The following SLC35F6 variants were observed in gnomAD, a reference collection of about 807,000 sequenced individuals.
SLC35F6 encodes ANT2-binding protein.
Under a neutral mutation model 29.4 loss-of-function variants are expected in SLC35F6, and 26 were observed. That is an observed-to-expected ratio of 0.89 (90% CI 0.65 to 1.23). SLC35F6 has a LOEUF of 1.23. Among genes scored for constraint, SLC35F6 ranks in the 50% most tolerant of loss-of-function variants. The pLI, the probability that SLC35F6 is intolerant of heterozygous loss-of-function variation, is 0.00. For synonymous variants in SLC35F6, 174 were observed against 206.6 expected, an observed-to-expected ratio of 0.84 and a Z score of 1.35; for missense variants, 428 against 487.8, an observed-to-expected ratio of 0.88 and a Z score of 1.15.
At chr2:26,772,788 A>T (rs186243189) in intron 1 of SLC35F6, among the ~76,000 whole-genome samples, 1 of 152,238 alleles carries the variant, frequency 6.6e-6, no homozygotes, top group African/African-American at 2.4e-5. Context: ...GACCTAACCA[A>T]GCCCAGCAAA....
At chr2:26,774,134 C>T in intron 1 of SLC35F6, 117 bp from the exon 2 acceptor site, 4 of 1,179,264 alleles carry the variant, frequency 3.4e-6, no homozygotes, top group Non-Finnish European at 4.9e-6. Flanking sequence ...AGAGGGAGCC[C>T]CACTCTGGGG....
At chr2:26,774,045 G>A (rs1312569894) in intron 1 of SLC35F6, among the ~76,000 whole-genome samples, 1 of 152,180 alleles carries the variant, frequency 6.6e-6, no homozygotes, top group African/African-American at 2.4e-5. Context: ...TGTGATTTCT[G>A]TGCATTACAG....
At position 26,775,907 on chromosome 2, in the gene SLC35F6, A is replaced by G. The variant is rs907584249; in HGVS notation, c.535+231A>G. Among the ~76,000 whole-genome samples the G allele has an allele frequency of 1.3e-5, 2 of 151,986 alleles. No individual in the cohort carries two copies. The highest frequency in any genetic ancestry group is 4.8e-5 in the African/African-American group (2 of 41,350). ...GGGGCTGGCTTGTCCTTTGATACAG[A>G]TGCAGACATGCAAACTACTGGATTT... On this transcript the variant is annotated intron_variant, in intron 4 of 5. Coordinates refer to ENST00000344420, the MANE Select transcript of SLC35F6 (RefSeq NM_017877.4). The surrounding 1 kb of genome is among the most constrained non-coding windows in gnomAD (Gnocchi z 4.6).
intron 1 of SLC35F6, among the ~76,000 whole-genome samples, chr2:26,770,482 T>C (rs1431879383): frequency 6.6e-6 from 1 of 151,968 alleles, no homozygotes; most frequent in Non-Finnish European, 1.5e-5. Context: ...CTTTGGGAGA[T>C]TGATACGGGT....
chr2:26,771,397 C>G (rs1371677731), intron 1 of SLC35F6, among the ~76,000 whole-genome samples: 2 of 152,232 alleles, frequency 1.3e-5, no homozygotes, highest in Non-Finnish European at 2.9e-5. Flanking sequence ...CTCCCTTGTC[C>G]CTCCTAGAGG....
At chr2:26,764,555 T>G in intron 1 of SLC35F6, 129 bp downstream of exon 1, 1 of 1,224,618 alleles carries the variant, frequency 8.2e-7, no homozygotes, top group Non-Finnish European at 1.1e-6. Context: ...TTCGCGCGCG[T>G]TATGACCACC....
Position 26,778,633 on chromosome 2 carries a change from C to A in SLC35F6, c.*122C>A. 4.3e-6 allele frequency: 4 copies of A among 928,376 alleles called. No individual in the cohort carries two copies. Among genetic ancestry groups the A allele is most frequent in the Non-Finnish European group, 6.3e-6 (4 of 637,546 alleles). 57.5% of individuals were successfully genotyped at this position (928,376 alleles called of 1,614,324 possible). A position where few individuals can be genotyped will look rare whatever the true frequency, so the allele number is the denominator to read the frequency against. On this transcript the variant is annotated 3_prime_UTR_variant, in exon 6 of 6. Coordinates refer to ENST00000344420, the MANE Select transcript of SLC35F6 (RefSeq NM_017877.4). The stretch of plus-strand genomic sequence containing the variant: ...CTCACCCTGTCCCCTCCCTGCAGAA[C>A]CCCCAGGGCAGCTGCTGCCACAGAA...
At chr2:26,767,955 G>A (rs1412315081) in intron 1 of SLC35F6, among the ~76,000 whole-genome samples, 1 of 152,204 alleles carries the variant, frequency 6.6e-6, no homozygotes, top group Non-Finnish European at 1.5e-5. Context: ...CTCCCAGCCA[G>A]GCAGGGATAT....
chr2:26,774,250 G>C lies in SLC35F6; in HGVS notation c.78-1G>C. 6.2e-7 allele frequency: 1 copy of C among 1,614,140 alleles called. No homozygotes were observed. The highest frequency in any genetic ancestry group is 8.5e-7 in the Non-Finnish European group (1 of 1,180,002). The stretch of plus-strand genomic sequence containing the variant: ...TCTGACCTTCCCTCTCTCTCCTACA[G>C]ATGGGCGGACAATTTCATGGCCGAG... On this transcript the variant is annotated splice_acceptor_variant, in intron 1 of 5. Transcript: ENST00000344420. LOFTEE classifies it high-confidence loss of function.
chr2:26,774,125 G>A, intron 1 of SLC35F6, 126 bp from the exon 2 acceptor site: 1 of 1,003,802 alleles, frequency 1.0e-6, no homozygotes, highest in Non-Finnish European at 1.5e-6. Context: ...ACCCCTTTGA[G>A]AGGGAGCCCC....
intron 1 of SLC35F6, among the ~76,000 whole-genome samples, chr2:26,766,335 C>T (rs954570317): frequency 1.3e-5 from 2 of 152,236 alleles, no homozygotes; most frequent in Non-Finnish European, 2.9e-5. Flanking sequence ...CGGTGGCTTA[C>T]GCCTGTCATC....
At chr2:26,771,006 G>A (rs1207266660) in intron 1 of SLC35F6, among the ~76,000 whole-genome samples, 5 of 152,320 alleles carry the variant, frequency 3.3e-5, no homozygotes, top group Admixed American at 1.3e-4. Flanking sequence ...CAATCCCTTG[G>A]GCTGTCAGCC....
chr2:26,771,566 T>C (rs912073027), intron 1 of SLC35F6, among the ~76,000 whole-genome samples: 4 of 152,228 alleles, frequency 2.6e-5, no homozygotes, highest in African/African-American at 9.6e-5. Context: ...GGGCTCTTTC[T>C]GCAAAAGCAA....
At position 26,775,150 on chromosome 2, in the gene SLC35F6, T is replaced by A; in HGVS notation, c.257T>A (p.Phe86Tyr). Reference protein sequence around the residue: ...SDSSVDPQQPFNPLLFLPPAL... With the variant: ...SDSSVDPQQPYNPLLFLPPAL... The stretch of plus-strand genomic sequence containing the variant: ...TCCAGCGTAGACCCCCAGCAGCCCT[T>A]CAACCCTCTTCTTTTCCTGCCCCCA... Residue 86 changes from phenylalanine to tyrosine, a missense_variant, in exon 3 of 6, where the codon TTC (phenylalanine) becomes TAC (tyrosine). By Grantham distance (22) the Phe-to-Tyr change is conservative. Transcript: ENST00000344420. The surrounding 1 kb of genome is among the most constrained non-coding windows in gnomAD (Gnocchi z 4.6). 1 of 1,614,074 alleles carries A rather than the reference T, an allele frequency of 6.2e-7. No homozygotes were observed.
Position 26,771,227 on chromosome 2 carries a change from T to C in SLC35F6, c.78-3024T>C, listed in dbSNP as rs1192243032. ...CGAGGGGTTTCCCCTATGGACCAAC[T>C]TGTTCTACCAGCAGGGGGCCCTCAG... On this transcript the variant is annotated intron_variant, in intron 1 of 5. Coordinates refer to ENST00000344420, the MANE Select transcript of SLC35F6 (RefSeq NM_017877.4). 4.6e-5 allele frequency among the ~76,000 whole-genome samples: 7 copies of C among 152,296 alleles called. No individual in the cohort carries two copies. The East Asian group carries it at 1.4e-3, about 29-fold the overall frequency.
rs10628763 is a variant in SLC35F6 at position 26,778,942 on chromosome 2, C to CTT, written c.*443_*444dup. On this transcript the variant is annotated 3_prime_UTR_variant, in exon 6 of 6. Coordinates refer to ENST00000344420, the MANE Select transcript of SLC35F6 (RefSeq NM_017877.4). ...AAACCAGAACTAAGCATTATATTTTCTTTTTTTTTTTTTGAGACAGAGTCT... is the reference window on the plus strand; with the variant it reads ...AAACCAGAACTAAGCATTATATTTTCTTTTTTTTTTTTTTTGAGACAGAGTCT... 3.7e-4 allele frequency: 55 copies of CTT among 147,818 alleles called. No individual in the cohort carries two copies. Among genetic ancestry groups the CTT allele is most frequent in the Non-Finnish European group, 6.5e-4 (44 of 67,468 alleles). 9.2% of individuals were successfully genotyped at this position (147,818 alleles called of 1,614,324 possible).
chr2:26,778,048 T>C lies in SLC35F6; in HGVS notation c.653T>C (p.Phe218Ser). The change falls in exon 6 of 6, where the codon TTT (phenylalanine) becomes TCT (serine). Residue 218 changes from phenylalanine to serine, a missense_variant. Physicochemically the swap from Phe to Ser is radical, Grantham distance 155. Coordinates refer to ENST00000344420, the MANE Select transcript of SLC35F6 (RefSeq NM_017877.4). Reference sequence around the variant, plus strand: ...TGTTTCCTCTACTCCCCAGGCCTCTTTGGCTTTGTGATCCTCTCCCTGCTG... The same window carrying C: ...TGTTTCCTCTACTCCCCAGGCCTCTCTGGCTTTGTGATCCTCTCCCTGCTG... ...PLRAVGTEGL[F>S]GFVILSLLLV... 6.2e-7 allele frequency: 1 copy of C among 1,610,598 alleles called. No individual in the cohort carries two copies. The highest frequency in any genetic ancestry group is 8.5e-7 in the Non-Finnish European group (1 of 1,177,242).
rs759494290 is a variant in SLC35F6, at chr2:26,775,243, G to T, written c.322+28G>T. 3 of 1,601,950 alleles carry T rather than the reference G, an allele frequency of 1.9e-6. No individual in the cohort carries two copies. Among genetic ancestry groups the T allele is most frequent in the East Asian group, 2.2e-5 (1 of 44,632 alleles). ...GAGTAACCAGGCCAGGCTGAGAAGG[G>T]CTCAGGGGAAGCTGTGGCTGAAGGG... On this transcript the variant is annotated intron_variant, in intron 3 of 5. Coordinates refer to ENST00000344420, the MANE Select transcript of SLC35F6 (RefSeq NM_017877.4). This position sits in a 1 kb window ranked among gnomAD's most constrained non-coding sequence, Gnocchi z 4.6.
At chr2:26,769,590 T>G (rs1424234585) in intron 1 of SLC35F6, among the ~76,000 whole-genome samples, 1 of 152,380 alleles carries the variant, frequency 6.6e-6, no homozygotes, top group East Asian at 1.9e-4. Flanking sequence ...CCTGGGTTCC[T>G]GTCTGTCAAA....
Sources: gnomAD v4.1 joint callset for allele counts (sites outside exome capture counted in the v4.1 genomes callset) on GRCh38, gnomAD v4.1.1 for gene constraint, Gnocchi (gnomAD v3.1) non-coding constraint, MANE v1.5 for transcripts, NCBI Gene and HGNC (gene_info 2026-07-23, HGNC 2026-07-21) for gene names.